The following YWHAZ variants were observed in gnomAD, a reference collection of about 807,000 sequenced individuals.
YWHAZ encodes the protein tyrosine 3-monooxygenase/tryptophan 5-monooxygenase activation protein zeta.
For synonymous variants in YWHAZ, 87 were observed against 103.6 expected, an observed-to-expected ratio of 0.84 and a Z score of 0.97; for missense variants, 79 against 284.8, an observed-to-expected ratio of 0.28 and a Z score of 5.20.
At chr8:100,931,456 T>C (rs1813753663) in intron 2 of YWHAZ, among the ~76,000 whole-genome samples, 1 of 152,192 alleles carries the variant, frequency 6.6e-6, no homozygotes, top group South Asian at 2.1e-4. Context: ...CCACCAAAAC[T>C]GCTGCCTGAG....
upstream of YWHAZ, chr8:100,952,292 G>T (rs951072048): frequency 5.6e-6 from 2 of 357,028 alleles, no homozygotes; most frequent in African/African-American, 4.4e-5. Flanking sequence ...GCTCCTCTAC[G>T]CTTGTCCCGA....
upstream of YWHAZ, chr8:100,952,853 C>T (rs981981785): frequency 4.0e-6 from 4 of 1,000,312 alleles, no homozygotes; most frequent in Admixed American, 1.8e-4. Context: ...GCTTTACCTG[C>T]TGGCTCGGGG....
chr8:100,950,526 G>C (rs1433180767), intron 1 of YWHAZ: 6 of 985,456 alleles, frequency 6.1e-6, no homozygotes, highest in Non-Finnish European at 3.6e-6. Flanking sequence ...TCGGAGCCAC[G>C]GCTCAAGTCC....
Position 100,920,817 on chromosome 8 carries a change from T to C in YWHAZ, c.679-65A>G, listed in dbSNP as rs181751099. 436 of 1,021,142 alleles carry C rather than the reference T, an allele frequency of 4.3e-4. 11 individuals carry two copies. In the African/African-American group the frequency reaches 5.9e-3, roughly 14 times the overall value. 63.3% of individuals were successfully genotyped at this position (1,021,142 alleles called of 1,614,324 possible). ...GGATGGGGGGGGGGGGGCGTTTTCA[T>C]ATAAGTGCCAAGATACCTGAATGTT... On this transcript the variant is annotated intron_variant, in intron 5 of 5. Coordinates refer to ENST00000395958, the MANE Select transcript of YWHAZ (RefSeq NM_145690.3).
chr8:100,937,690 G>A (rs559493216), intron 2 of YWHAZ, among the ~76,000 whole-genome samples: 17 of 152,104 alleles, frequency 1.1e-4, no homozygotes, highest in Admixed American at 2.6e-4. Context: ...AACAACAAAT[G>A]AAGAGAGAGA....
At position 100,917,494 on chromosome 8, in the gene YWHAZ, C is replaced by T. The variant is rs34061524; in HGVS notation, c.*3199G>A. ...CAGCACTTTGGGAGGCCGAGGTGGG[C>T]GGATCACAAGGTCAGGAGAATGAGA... On this transcript the variant is annotated 3_prime_UTR_variant, in exon 6 of 6. Transcript: ENST00000395958. The T allele has an allele frequency of 0.31, 47,000 of 152,058 alleles. 7,453 individuals carry two copies. Among genetic ancestry groups the T allele is most frequent in the Non-Finnish European group, 0.35 (23,554 of 68,032 alleles). 9.4% of individuals were successfully genotyped at this position (152,058 alleles called of 1,614,324 possible).
At chr8:100,950,083 G>C (rs932523299) in intron 1 of YWHAZ, among the ~76,000 whole-genome samples, 2 of 152,156 alleles carry the variant, frequency 1.3e-5, no homozygotes, top group Non-Finnish European at 2.9e-5. Context: ...TTAACCAAAT[G>C]AGAGAACAGG....
chr8:100,950,653 G>A (rs1810661528), intron 1 of YWHAZ: 6 of 783,044 alleles, frequency 7.7e-6, no homozygotes, highest in Non-Finnish European at 6.0e-6. Flanking sequence ...CCCCGCCCAA[G>A]CCGTGGGGGG....
chr8:100,945,912 T>C (rs1250484213), intron 2 of YWHAZ, among the ~76,000 whole-genome samples: 2 of 152,122 alleles, frequency 1.3e-5, no homozygotes, highest in African/African-American at 2.4e-5. Context: ...CTATTACACG[T>C]TGAGTATGCA....
chr8:100,946,820 G>A (rs1416874733), intron 2 of YWHAZ, among the ~76,000 whole-genome samples: 1 of 148,980 alleles, frequency 6.7e-6, no homozygotes, highest in Non-Finnish European at 1.5e-5. Flanking sequence ...GTAATAATTG[G>A]GAAAAACACT....
In YWHAZ at chr8:100,924,366, C is replaced by CT; in HGVS notation, c.419-69dup. 2 of 1,471,312 alleles carry CT rather than the reference C, an allele frequency of 1.4e-6. No individual in the cohort carries two copies. The highest frequency in any genetic ancestry group is 2.1e-5 in the Admixed American group (1 of 47,692). The allele number at this position is 1,471,312 out of a possible 1,614,324, so 91.1% of individuals were successfully genotyped here. On this transcript the variant is annotated intron_variant, in intron 3 of 5. Transcript: ENST00000395958. The surrounding 1 kb of genome is among the most constrained non-coding windows in gnomAD (Gnocchi z 5.7). ...TATATCTTCACCCCTCAAACCAAAC[C>CT]TTTAATATCTCACATATCCTTTGAA...
At position 100,924,147 on chromosome 8, in the gene YWHAZ, A is replaced by C. The variant is rs199601742; in HGVS notation, c.570T>G (p.Ser190=). 186 of 1,611,622 alleles carry C rather than the reference A, an allele frequency of 1.2e-4. 3 individuals carry two copies. Among genetic ancestry groups the C allele is most frequent in the Admixed American group, 3.9e-4 (23 of 59,248 alleles). ...GTAAAATACATACTGTCTTTGCAAGAGAGCAGGCTTTCTCTGGGGAGTTCA... is the reference window on the plus strand; with the variant it reads ...GTAAAATACATACTGTCTTTGCAAGCGAGCAGGCTTTCTCTGGGGAGTTCA... ...EILNSPEKAC[S]LAKTAFDEAI... The change falls in exon 4 of 6, where the codon TCT becomes TCG. Residue 190 remains serine, a synonymous_variant. Transcript: ENST00000395958. This position sits in a 1 kb window ranked among gnomAD's most constrained non-coding sequence, Gnocchi z 5.7.
intron 5 of YWHAZ, among the ~76,000 whole-genome samples, chr8:100,921,178 C>A (rs1813000833): frequency 6.6e-6 from 1 of 152,076 alleles, no homozygotes; most frequent in African/African-American, 2.4e-5. Context: ...GGACTACAGG[C>A]ATGTGCCACC....
chr8:100,953,378 A>G (rs1810932972), upstream of YWHAZ: 1 of 985,392 alleles, frequency 1.0e-6, no homozygotes, highest in South Asian at 4.7e-5. Context: ...GGAGCCCGGA[A>G]GAAGGGGAAG....
intron 2 of YWHAZ, among the ~76,000 whole-genome samples, chr8:100,947,382 T>C (rs1810377731): frequency 6.6e-6 from 1 of 152,058 alleles, no homozygotes; most frequent in African/African-American, 2.4e-5. Flanking sequence ...ATACAAATAG[T>C]AGCTATCATT....
At chr8:100,951,432 G>A (rs1810767920) in intron 1 of YWHAZ, 13 of 981,348 alleles carry the variant, frequency 1.3e-5, no homozygotes, top group East Asian at 1.1e-4. Flanking sequence ...GGCGGCCGAG[G>A]GAGAGGGGAG....
chr8:100,946,660 T>C (rs1290647488), intron 2 of YWHAZ, among the ~76,000 whole-genome samples: 1 of 152,004 alleles, frequency 6.6e-6, no homozygotes, highest in Non-Finnish European at 1.5e-5. Context: ...ATGGAAAACA[T>C]GCACATACCT....
At chr8:100,951,397 T>A in intron 1 of YWHAZ, 1 of 966,198 alleles carries the variant, frequency 1.0e-6, no homozygotes, top group Non-Finnish European at 1.2e-6. Context: ...GCGCGGAGGC[T>A]GCGCGAGGGG....
chr8:100,930,060 T>A (rs368053958), intron 2 of YWHAZ, among the ~76,000 whole-genome samples: 20 of 151,482 alleles, frequency 1.3e-4, no homozygotes, highest in African/African-American at 4.6e-4. Flanking sequence ...GGGGAGGGAG[T>A]GGGCACACCA....
Sources: gnomAD v4.1 joint callset for allele counts (sites outside exome capture counted in the v4.1 genomes callset) on GRCh38, gnomAD v4.1.1 for gene constraint, Gnocchi (gnomAD v3.1) non-coding constraint, MANE v1.5 for transcripts, NCBI Gene and HGNC (gene_info 2026-07-23, HGNC 2026-07-21) for gene names.